The following FNDC3A variants were observed in gnomAD, a reference collection of about 807,000 sequenced individuals.
FNDC3A encodes fibronectin type III domain containing 3A.
In FNDC3A, 32 loss-of-function variants were observed where a neutral mutation model predicts 148.9. The observed-to-expected ratio is 0.21, with a 90% CI of 0.16 to 0.29. The LOEUF (loss-of-function observed/expected upper bound fraction) is 0.29, where lower values mean the gene tolerates loss of function less well. Among genes scored for constraint, FNDC3A ranks in the 10% least tolerant of loss-of-function variants. The pLI is 1.00. For missense variants in FNDC3A, 1,191 were observed against 1,452.8 expected, an observed-to-expected ratio of 0.82 and a Z score of 2.93; for synonymous variants, 472 against 473.6, an observed-to-expected ratio of 1.00 and a Z score of 0.04.
At chr13:49,036,247 C>T (rs1874482234) in intron 2 of FNDC3A, among the ~76,000 whole-genome samples, 1 of 152,094 alleles carries the variant, frequency 6.6e-6, no homozygotes, top group Non-Finnish European at 1.5e-5. Context: ...AAGTTTGGGG[C>T]ATCCCGAGAT....
chr13:49,124,552 C>T (rs978773932), intron 4 of FNDC3A, among the ~76,000 whole-genome samples: 2 of 151,886 alleles, frequency 1.3e-5, no homozygotes, highest in African/African-American at 4.8e-5. Context: ...GATACATAGT[C>T]CACATACCAA....
chr13:49,121,095 G>C (rs897069308), intron 4 of FNDC3A, among the ~76,000 whole-genome samples: 1 of 152,152 alleles, frequency 6.6e-6, no homozygotes, highest in Non-Finnish European at 1.5e-5. Context: ...ATAATTGGAA[G>C]TAAAACACTT....
intron 3 of FNDC3A, among the ~76,000 whole-genome samples, chr13:49,100,593 T>TA (rs1879800006): frequency 6.6e-6 from 1 of 152,206 alleles, no homozygotes; most frequent in South Asian, 2.1e-4. Context: ...TCTTTTATAA[T>TA]GTTTGAAGTT....
chr13:48,979,855 A>C (rs1207874469), intron 1 of FNDC3A, among the ~76,000 whole-genome samples: 1 of 152,108 alleles, frequency 6.6e-6, no homozygotes, highest in East Asian at 1.9e-4. Flanking sequence ...TAAAAACGTA[A>C]AAATTTTTAC....
intron 2 of FNDC3A, among the ~76,000 whole-genome samples, chr13:49,060,994 T>G (rs772158152): frequency 1.1e-4 from 16 of 152,172 alleles, no homozygotes; most frequent in Non-Finnish European, 2.1e-4. Context: ...TTTTATGTTA[T>G]ATGAATTTCA....
At chr13:49,109,986 T>C (rs1293854241) in intron 3 of FNDC3A, among the ~76,000 whole-genome samples, 5 of 152,176 alleles carry the variant, frequency 3.3e-5, no homozygotes, top group African/African-American at 4.8e-5. Flanking sequence ...AGCGGCAGGC[T>C]GCATGAGTAA....
At chr13:49,196,080 C>CAA (rs71076070) in intron 19 of FNDC3A, among the ~76,000 whole-genome samples, 1,584 of 71,172 alleles carry the variant, frequency 0.022, 54 homozygotes, top group African/African-American at 0.051. Flanking sequence ...GACCTTGTCT[C>CAA]AAAAAAAAAA....
chr13:49,206,151 A>G (rs1302252943), intron 25 of FNDC3A, among the ~76,000 whole-genome samples: 1 of 152,198 alleles, frequency 6.6e-6, no homozygotes, highest in East Asian at 1.9e-4. Flanking sequence ...TTGAGCAGTG[A>G]CTGCATGCTG....
At chr13:49,009,266 T>C (rs1036359508) in intron 2 of FNDC3A, among the ~76,000 whole-genome samples, 1 of 152,240 alleles carries the variant, frequency 6.6e-6, no homozygotes, top group Non-Finnish European at 1.5e-5. Context: ...CAGTATGGTG[T>C]AGGTAATTTC....
chr13:49,161,113 A>G (rs929781857), intron 8 of FNDC3A, among the ~76,000 whole-genome samples: 5 of 152,078 alleles, frequency 3.3e-5, no homozygotes, highest in Admixed American at 6.6e-5. Flanking sequence ...TGGGGTGGAG[A>G]GTTCTGTAGA....
intron 3 of FNDC3A, among the ~76,000 whole-genome samples, chr13:49,108,148 G>A (rs763322150): frequency 1.6e-4 from 25 of 152,144 alleles, no homozygotes; most frequent in Non-Finnish European, 3.4e-4. Context: ...CTTTGAACAT[G>A]GGTTACTAAA....
rs187232394 is a variant in FNDC3A at position 49,036,744 on chromosome 13, A to T, written c.99+30455A>T. Among the ~76,000 whole-genome samples, 34 of 152,332 alleles carry T rather than the reference A, an allele frequency of 2.2e-4. No individual in the cohort carries two copies. The East Asian group carries it at 6.4e-3, about 29-fold the overall frequency. On this transcript the variant is annotated intron_variant, in intron 2 of 25. Coordinates refer to ENST00000492622, the MANE Select transcript of FNDC3A (RefSeq NM_001079673.2). ...GGATGTACAGAGTGCTTTGAACCTTAGAATGGGAATAATCTAACTTTGCTT... is the reference window on the plus strand; with the variant it reads ...GGATGTACAGAGTGCTTTGAACCTTTGAATGGGAATAATCTAACTTTGCTT...
Position 49,166,753 on chromosome 13 carries a change from T to A in FNDC3A, c.978-491T>A, listed in dbSNP as rs375187259. On this transcript the variant is annotated intron_variant, in intron 8 of 25. Coordinates refer to ENST00000492622, the MANE Select transcript of FNDC3A (RefSeq NM_001079673.2). The stretch of plus-strand genomic sequence containing the variant: ...CTTACTTCCTTCTCCTTCCTTGTTT[T>A]ACATGTTTCCAGTTTAATTCCAGTG... Among the ~76,000 whole-genome samples the A allele has an allele frequency of 3.3e-4, 50 of 152,350 alleles. 1 individual carries two copies. Among genetic ancestry groups the A allele is most frequent in the African/African-American group, 1.1e-3 (45 of 41,584 alleles).
intron 1 of FNDC3A, 110 bp from the exon 2 acceptor site, chr13:49,006,042 C>T: frequency 2.2e-6 from 1 of 449,468 alleles, no homozygotes; most frequent in Middle Eastern, 5.7e-4. Flanking sequence ...CTAGAATTTC[C>T]TTTGACAAGA....
intron 21 of FNDC3A, 47 bp from the exon 22 acceptor site, chr13:49,197,935 T>A: frequency 6.3e-7 from 1 of 1,590,700 alleles, no homozygotes. Context: ...TCATTGGCAT[T>A]TTCATGGTCA....
intron 2 of FNDC3A, among the ~76,000 whole-genome samples, chr13:49,018,849 G>T (rs1031987222): frequency 3.3e-4 from 50 of 152,226 alleles, no homozygotes; most frequent in African/African-American, 1.2e-3. Context: ...AGGTCTGTTG[G>T]AGTACCCGGC....
intron 8 of FNDC3A, among the ~76,000 whole-genome samples, chr13:49,161,325 C>T (rs916869096): frequency 6.6e-6 from 1 of 152,184 alleles, no homozygotes; most frequent in Non-Finnish European, 1.5e-5. Context: ...ATAGTTAGCT[C>T]TTCTTGTTGA....
Position 49,198,311 on chromosome 13 carries a change from G to T in FNDC3A, c.2774+46G>T, listed in dbSNP as rs112557089. On this transcript the variant is annotated intron_variant, in intron 22 of 25. Coordinates refer to ENST00000492622, the MANE Select transcript of FNDC3A (RefSeq NM_001079673.2). Reference sequence around the variant, plus strand: ...TGATTTTTGCCTAGACCAGAGAGACGCTTTAAATAAAACAATCATAACCAA... The same window carrying T: ...TGATTTTTGCCTAGACCAGAGAGACTCTTTAAATAAAACAATCATAACCAA... 9 of 1,610,994 alleles carry T rather than the reference G, an allele frequency of 5.6e-6. 1 individual carries two copies. In the South Asian group the frequency reaches 7.7e-5, roughly 14 times the overall value.
intron 3 of FNDC3A, among the ~76,000 whole-genome samples, chr13:49,113,102 C>G (rs764252732): frequency 3.5e-4 from 52 of 149,292 alleles, no homozygotes; most frequent in African/African-American, 1.2e-3. Context: ...TCCTCCTCCC[C>G]CTTACCCTTC....
Sources: gnomAD v4.1 joint callset for allele counts (sites outside exome capture counted in the v4.1 genomes callset) on GRCh38, gnomAD v4.1.1 for gene constraint, MANE v1.5 for transcripts, NCBI Gene and HGNC (gene_info 2026-07-23, HGNC 2026-07-21) for gene names.